HPF1: variants seen among roughly 807,000 people sequenced by gnomAD.
HPF1 encodes UPF0609 protein C4orf27.
Under a neutral mutation model 38.8 loss-of-function variants are expected in HPF1, and 35 were observed. The observed-to-expected ratio is 0.90, with a 90% CI of 0.69 to 1.19. HPF1 has a LOEUF of 1.19. Among genes scored for constraint, HPF1 ranks in the 50% most tolerant of loss-of-function variants. HPF1 has a pLI of 0.00. For synonymous variants in HPF1, 115 were observed against 139.2 expected (o/e 0.83, Z 1.22); for missense variants, 367 against 405.8 (o/e 0.90, Z 0.82).
Position 169,757,818 on chromosome 4 carries a change from T to A in HPF1, c.48+12A>T. The A allele has an allele frequency of 1.3e-6, 2 of 1,561,372 alleles. No individual in the cohort carries two copies. The highest frequency in any genetic ancestry group is 1.7e-6 in the Non-Finnish European group (2 of 1,160,376). On this transcript the variant is annotated intron_variant, in intron 1 of 7. Transcript: ENST00000393381. ...GCGCCCCGCGTAGCCCGCACAGCCT[T>A]TCCGGCAGTACCTGCGGCCCCTCTC...
chr4:169,757,686 T>C (rs1734207498), intron 1 of HPF1, 144 bp downstream of exon 1: 2 of 818,582 alleles, frequency 2.4e-6, no homozygotes, highest in South Asian at 1.5e-5. Flanking sequence ...ACAGCGGCCC[T>C]GGGCAGGATC....
At chr4:169,742,819 G>A (rs1733992992) in intron 4 of HPF1, among the ~76,000 whole-genome samples, 1 of 151,610 alleles carries the variant, frequency 6.6e-6, no homozygotes, top group Non-Finnish European at 1.5e-5. Context: ...TATTTTCAGG[G>A]ACCAGGCATG....
rs1162035435 is a variant in HPF1 at position 169,742,749 on chromosome 4, G to A, written c.498-642C>T. ...AGAGCTTGCAGTGAACCGAGATCGC[G>A]CCACTGCACTCCAGCCTGGGCCACA... On this transcript the variant is annotated intron_variant, in intron 4 of 7. Transcript: ENST00000393381. 7.9e-5 allele frequency among the ~76,000 whole-genome samples: 12 copies of A among 152,158 alleles called. No individual in the cohort carries two copies. The South Asian group carries it at 1.2e-3, about 16-fold the overall frequency.
chr4:169,743,408 CCTTTT>C lies in HPF1; in HGVS notation c.498-1306_498-1302del, dbSNP rs1279343070. ...TACAGGCGTGAGCCACTGCCCCTGG[CCTTTT>C]TTTTTTTTTTTTTTTTTTTTTCATT... On this transcript the variant is annotated intron_variant, in intron 4 of 7. Transcript: ENST00000393381. Among the ~76,000 whole-genome samples the C allele has an allele frequency of 4.8e-3, 360 of 74,232 alleles. 1 individual carries two copies. The highest frequency in any genetic ancestry group is 0.03 in the Middle Eastern group (3 of 100). The allele number at this position is 74,232 out of a possible 152,430, so 48.7% of individuals were successfully genotyped here.
chr4:169,744,598 T>C (rs1350058601), intron 4 of HPF1, among the ~76,000 whole-genome samples: 5 of 152,246 alleles, frequency 3.3e-5, no homozygotes, highest in African/African-American at 2.4e-5. Flanking sequence ...CTAAGTTATA[T>C]AGATGTAAGT....
rs1553977882 is a variant in HPF1 at position 169,742,088 on chromosome 4, G to C, written c.517C>G (p.Leu173Val). 4 of 1,610,796 alleles carry C rather than the reference G, an allele frequency of 2.5e-6. No individual in the cohort carries two copies. The highest frequency in any genetic ancestry group is 3.4e-6 in the Non-Finnish European group (4 of 1,178,392). ...AAVKLFLTKK[L>V]REITDKKKIN... Reference sequence around the variant, plus strand: ...TTCTTTTTATCCGTTATTTCTCTAAGTTTTTTCGTCAAAAATAATCTGAAA... The same window carrying C: ...TTCTTTTTATCCGTTATTTCTCTAACTTTTTTCGTCAAAAATAATCTGAAA... The change falls in exon 5 of 8, where the codon CTT becomes GTT. Residue 173 changes from leucine to valine, a missense_variant. By Grantham distance (32) the Leu-to-Val change is conservative. Coordinates refer to ENST00000393381, the MANE Select transcript of HPF1 (RefSeq NM_017867.3).
chr4:169,732,492 A>T (rs17628004), intron 6 of HPF1, among the ~76,000 whole-genome samples: 1 of 152,074 alleles, frequency 6.6e-6, no homozygotes, highest in South Asian at 2.1e-4. Flanking sequence ...ATGCATTTAC[A>T]TAAGCTTTAA....
intron 4 of HPF1, among the ~76,000 whole-genome samples, chr4:169,747,238 G>A (rs950813847): frequency 1.3e-5 from 2 of 150,766 alleles, no homozygotes; most frequent in African/African-American, 4.9e-5. Context: ...TAATAAAGAT[G>A]GCACCAATTT....
chr4:169,744,507 A>G (rs544134413), intron 4 of HPF1, among the ~76,000 whole-genome samples: 16 of 152,366 alleles, frequency 1.1e-4, no homozygotes, highest in African/African-American at 3.8e-4. Context: ...TAAATCCATT[A>G]GAATGTCTTC....
intron 1 of HPF1, among the ~76,000 whole-genome samples, chr4:169,755,118 C>T (rs372766655): frequency 4.8e-5 from 6 of 124,678 alleles, no homozygotes; most frequent in South Asian, 5.3e-4. Flanking sequence ...AGTTTATTAA[C>T]GTTAGGTATC....
chr4:169,749,732 A>G (rs1170578255), intron 3 of HPF1, among the ~76,000 whole-genome samples: 1 of 151,410 alleles, frequency 6.6e-6, no homozygotes, highest in Non-Finnish European at 1.5e-5. Flanking sequence ...AAAAAAAAAA[A>G]AAAGGAAAAA....
At position 169,729,612 on chromosome 4, in the gene HPF1, C is replaced by T. The variant is rs1203310843; in HGVS notation, c.1007G>A (p.Arg336Lys). ...AAGTTGGTCTATGTTCTCTTGACTT[C>T]TGTTTGCCAGATGCTCCTCAATAAT... The part of the protein sequence containing the change: ...AEIIEEHLAN[R>K]SQENIDQLAA The change falls in exon 8 of 8, where the codon AGA (arginine) becomes AAA (lysine). Residue 336 changes from arginine to lysine, a missense_variant. Coordinates refer to ENST00000393381, the MANE Select transcript of HPF1 (RefSeq NM_017867.3). 4 of 1,589,402 alleles carry T rather than the reference C, an allele frequency of 2.5e-6. No individual in the cohort carries two copies. The highest frequency in any genetic ancestry group is 2.7e-5 in the African/African-American group (2 of 73,740).
chr4:169,755,102 G>T (rs1295083391), intron 1 of HPF1, among the ~76,000 whole-genome samples: 2 of 117,940 alleles, frequency 1.7e-5, no homozygotes, highest in Non-Finnish European at 3.2e-5. Flanking sequence ...TTTCTCAGTA[G>T]TCTGAAGTTT....
chr4:169,735,065 T>A (rs1733874936), intron 6 of HPF1, among the ~76,000 whole-genome samples: 1 of 147,726 alleles, frequency 6.8e-6, no homozygotes, highest in South Asian at 2.1e-4. Context: ...AGGCGGAGGT[T>A]ACAGTGAGCT....
At chr4:169,741,743 C>T (rs542853133) in intron 5 of HPF1, among the ~76,000 whole-genome samples, 18 of 152,150 alleles carry the variant, frequency 1.2e-4, no homozygotes, top group South Asian at 2.1e-4. Flanking sequence ...TCACCAGTTG[C>T]GCAATTCAAT....
At chr4:169,735,096 C>T (rs1733875351) in intron 6 of HPF1, among the ~76,000 whole-genome samples, 4 of 146,836 alleles carry the variant, frequency 2.7e-5, no homozygotes, top group African/African-American at 7.7e-5. Context: ...CATTGCACTC[C>T]GGCCTGGGTG....
chr4:169,736,359 C>CA (rs750923800), intron 6 of HPF1, among the ~76,000 whole-genome samples: 68,693 of 102,942 alleles, frequency 0.67, 22,578 homozygotes, highest in East Asian at 0.79. Flanking sequence ...GACCCTGTCA[C>CA]AAAAAAAAAA....
intron 5 of HPF1, among the ~76,000 whole-genome samples, chr4:169,741,550 T>C (rs920487738): frequency 1.3e-5 from 2 of 152,104 alleles, no homozygotes; most frequent in African/African-American, 4.8e-5. Context: ...AAGGAAATGA[T>C]AGGATTAATA....
chr4:169,757,704 C>A, intron 1 of HPF1, 126 bp downstream of exon 1: 1 of 977,200 alleles, frequency 1.0e-6, no homozygotes, highest in Admixed American at 2.3e-5. Flanking sequence ...ATCCCCGCAG[C>A]AAACCGCAGC....
Sources: gnomAD v4.1 joint callset for allele counts (sites outside exome capture counted in the v4.1 genomes callset) on GRCh38, gnomAD v4.1.1 for gene constraint, MANE v1.5 for transcripts, NCBI Gene and HGNC (gene_info 2026-07-23, HGNC 2026-07-21) for gene names.